SLC4A4: variants seen among roughly 807,000 people sequenced by gnomAD.
SLC4A4 encodes solute carrier family 4 member 4.
SLC4A4 carries 27 observed loss-of-function variants against 111.5 expected under a neutral mutation model. The observed-to-expected ratio is 0.24, with a 90% confidence interval of 0.18 to 0.33. The LOEUF (loss-of-function observed/expected upper bound fraction) is 0.33. Ranked by LOEUF, SLC4A4 falls within the 10% of genes least tolerant of loss-of-function variation. The pLI is 1.00. For missense variants in SLC4A4, 909 were observed against 1,315.5 expected, an observed-to-expected ratio of 0.69 and a Z score of 4.78; for synonymous variants, 443 against 463.4, an observed-to-expected ratio of 0.96 and a Z score of 0.57.
intron 7 of SLC4A4, among the ~76,000 whole-genome samples, chr4:71,425,669 C>A (rs1339668747): frequency 1.3e-5 from 2 of 152,008 alleles, no homozygotes; most frequent in African/African-American, 4.8e-5. Flanking sequence ...GTCCAGAAAG[C>A]AAGGAAAACT....
At chr4:71,559,627 T>TAGTA (rs1275865590) in intron 22 of SLC4A4, among the ~76,000 whole-genome samples, 2 of 151,892 alleles carry the variant, frequency 1.3e-5, no homozygotes, top group African/African-American at 4.8e-5. Context: ...ATTCAAATAC[T>TAGTA]ACCTCATTGT....
At chr4:71,546,271 C>A in intron 18 of SLC4A4, 79 bp from the exon 19 acceptor site, 1 of 1,288,582 alleles carries the variant, frequency 7.8e-7, no homozygotes, top group Non-Finnish European at 1.1e-6. Flanking sequence ...CTTTGGTCAT[C>A]TTAATTCCCC....
chr4:71,236,362 A>C (rs961682977), intron 1 of SLC4A4: 1 of 880,940 alleles, frequency 1.1e-6, no homozygotes, highest in Non-Finnish European at 1.6e-6. Flanking sequence ...GTGCCCTCTC[A>C]AGGTTAGAAC....
intron 1 of SLC4A4, among the ~76,000 whole-genome samples, chr4:71,221,548 G>T (rs540086393): frequency 6.6e-6 from 1 of 151,990 alleles, no homozygotes; most frequent in African/African-American, 2.4e-5. Flanking sequence ...TGAATCGTGG[G>T]TGTTAAAAAA....
intron 16 of SLC4A4, among the ~76,000 whole-genome samples, chr4:71,529,349 C>T (rs954524969): frequency 1.3e-5 from 2 of 151,998 alleles, no homozygotes; most frequent in Admixed American, 6.6e-5. Context: ...GTTTTTCTTT[C>T]AACAGTATTA....
intron 7 of SLC4A4, among the ~76,000 whole-genome samples, chr4:71,435,779 C>T (rs902869636): frequency 6.6e-6 from 1 of 152,204 alleles, no homozygotes. Flanking sequence ...CAAAAGAAGA[C>T]ATTTATGCGG....
intron 2 of SLC4A4, among the ~76,000 whole-genome samples, chr4:71,097,477 A>G (rs1269093524): frequency 2.0e-5 from 3 of 152,354 alleles, no homozygotes; most frequent in East Asian, 3.9e-4. Flanking sequence ...TAGTGCTGCA[A>G]TAAACATTTG....
chr4:71,552,366 TAC>T (rs903218602), intron 20 of SLC4A4, among the ~76,000 whole-genome samples: 4 of 150,316 alleles, frequency 2.7e-5, no homozygotes, highest in Non-Finnish European at 5.9e-5. Flanking sequence ...CACACACACA[TAC>T]ACACACACAT....
intron 2 of SLC4A4, among the ~76,000 whole-genome samples, chr4:71,147,195 C>G (rs965558656): frequency 1.4e-4 from 21 of 152,152 alleles, no homozygotes; most frequent in Non-Finnish European, 2.9e-4. Context: ...GAGAATTACA[C>G]AGGGGATTAG....
intron 15 of SLC4A4, 131 bp downstream of exon 15, chr4:71,487,149 A>G: frequency 1.8e-6 from 1 of 570,620 alleles, no homozygotes; most frequent in East Asian, 3.1e-5. Context: ...ACAATTATTG[A>G]CAGTGGAGGG....
intron 3 of SLC4A4, among the ~76,000 whole-genome samples, chr4:71,297,564 G>T (rs778997274): frequency 5.1e-4 from 69 of 136,584 alleles, no homozygotes; most frequent in Non-Finnish European, 8.2e-4. Flanking sequence ...TTTGGCAAAA[G>T]AAATGAATGT....
chr4:71,424,874 A>T (rs954872503), intron 7 of SLC4A4, among the ~76,000 whole-genome samples: 2 of 151,838 alleles, frequency 1.3e-5, no homozygotes, highest in African/African-American at 4.8e-5. Context: ...TAGCATTGGG[A>T]GATATACCTA....
intron 4 of SLC4A4, among the ~76,000 whole-genome samples, chr4:71,341,118 A>T (rs1413734941): frequency 6.6e-6 from 1 of 152,184 alleles, no homozygotes; most frequent in Non-Finnish European, 1.5e-5. Context: ...AACCTCTTAT[A>T]GTCTGTAATT....
At chr4:71,426,429 C>T (rs1045552375) in intron 7 of SLC4A4, among the ~76,000 whole-genome samples, 5 of 152,080 alleles carry the variant, frequency 3.3e-5, no homozygotes, top group Non-Finnish European at 7.4e-5. Context: ...CCTACTTCCC[C>T]ATGTATGGAA....
At chr4:71,365,103 T>G (rs957764197) in intron 6 of SLC4A4, among the ~76,000 whole-genome samples, 8 of 152,208 alleles carry the variant, frequency 5.3e-5, no homozygotes, top group Non-Finnish European at 8.8e-5. Context: ...TACAGCAAGA[T>G]GTTACCATGT....
chr4:71,243,872 A>G (rs181717752), intron 2 of SLC4A4, among the ~76,000 whole-genome samples: 6 of 152,286 alleles, frequency 3.9e-5, no homozygotes, highest in Admixed American at 2.0e-4. Flanking sequence ...AACAGACTCT[A>G]CTTAGACCTC....
At chr4:71,146,763 G>A (rs1233555859) in intron 2 of SLC4A4, among the ~76,000 whole-genome samples, 1 of 152,088 alleles carries the variant, frequency 6.6e-6, no homozygotes, top group Non-Finnish European at 1.5e-5. Flanking sequence ...AGGAACAACT[G>A]GTACCAGCCA....
chr4:71,381,799 G>GT (rs1356040533), intron 6 of SLC4A4, among the ~76,000 whole-genome samples: 1 of 151,958 alleles, frequency 6.6e-6, no homozygotes, highest in Non-Finnish European at 1.5e-5. Context: ...TCACTAGACT[G>GT]TTTTTGTTTG....
chr4:71,342,223 C>A (rs149006877), intron 4 of SLC4A4, among the ~76,000 whole-genome samples: 3,001 of 152,276 alleles, frequency 0.02, 41 homozygotes, highest in Middle Eastern at 0.037. Context: ...GAACCAATAA[C>A]CTGTATAGAA....
Sources: allele counts gnomAD v4.1 joint callset (sites outside exome capture counted in the v4.1 genomes callset), GRCh38; gene constraint gnomAD v4.1.1; transcripts MANE v1.5; gene names NCBI Gene and HGNC (gene_info 2026-07-23, HGNC 2026-07-21).